Variants in VPS13B observed in about 807,000 individuals in gnomAD.
VPS13B encodes vacuolar protein sorting 13 homolog B.
A neutral mutation model predicts 426.4 loss-of-function variants in VPS13B; 285 were observed. The ratio of observed to expected loss-of-function variants is 0.67; its 90% CI spans 0.61 to 0.74. The LOEUF (loss-of-function observed/expected upper bound fraction) is 0.74. Among genes scored for constraint, VPS13B ranks in the 30% least tolerant of loss-of-function variants. The pLI, the probability that VPS13B is intolerant of heterozygous loss-of-function variation, is 0.00. For missense variants in VPS13B, 4,537 were observed against 4,782.6 expected (o/e 0.95, Z 1.51); for synonymous variants, 1,676 against 1,676.4 (o/e 1.00, Z 0.01).
At chr8:99,661,669 G>T (rs1215367256) in intron 35 of VPS13B, among the ~76,000 whole-genome samples, 178 bp downstream of exon 35, 3 of 152,038 alleles carry the variant, frequency 2.0e-5, no homozygotes, top group Non-Finnish European at 4.4e-5. Flanking sequence ...ATATAAATAT[G>T]CATTAAGAAT....
chr8:99,563,742 A>C (rs1563798715), intron 31 of VPS13B, among the ~76,000 whole-genome samples: 1 of 152,210 alleles, frequency 6.6e-6, no homozygotes, highest in Non-Finnish European at 1.5e-5. Flanking sequence ...CACATAACAG[A>C]TACCAAATAA....
At chr8:99,366,530 T>G (rs568128761) in intron 19 of VPS13B, among the ~76,000 whole-genome samples, 11 of 135,794 alleles carry the variant, frequency 8.1e-5, no homozygotes, top group Admixed American at 1.4e-4. Flanking sequence ...TTTTTTTTTG[T>G]TTTTTTTTTT....
At position 99,263,838 on chromosome 8, in the gene VPS13B, C is replaced by A. The variant is rs556166387; in HGVS notation, c.2516-10360C>A. ...GCATATGAACATCTTTGGGGGGGAC[C>A]ATTATTCTGTCTGTCATAGAGGATC... On this transcript the variant is annotated intron_variant, in intron 17 of 61. Transcript: ENST00000357162. Among the ~76,000 whole-genome samples the A allele has an allele frequency of 5.9e-5, 9 of 152,164 alleles. 1 individual carries two copies. The South Asian group carries it at 1.9e-3, about 32-fold the overall frequency.
chr8:99,632,772 G>A (rs561174473), intron 33 of VPS13B, among the ~76,000 whole-genome samples: 1 of 152,084 alleles, frequency 6.6e-6, no homozygotes, highest in East Asian at 1.9e-4. Flanking sequence ...ATATGACAGA[G>A]AGAGAATATA....
intron 35 of VPS13B, among the ~76,000 whole-genome samples, chr8:99,675,455 A>G (rs1003783723): frequency 1.3e-5 from 2 of 151,972 alleles, no homozygotes; most frequent in African/African-American, 4.8e-5. Context: ...CTGATTGAAG[A>G]CCTTTGAGCT....
At chr8:99,455,437 C>T (rs772415069) in intron 23 of VPS13B, among the ~76,000 whole-genome samples, 8 of 152,110 alleles carry the variant, frequency 5.3e-5, no homozygotes, top group Non-Finnish European at 1.2e-4. Context: ...GCCAGCACTT[C>T]ACATGGCTGG....
intron 3 of VPS13B, among the ~76,000 whole-genome samples, chr8:99,087,609 T>G (rs1845901986): frequency 6.6e-6 from 1 of 150,922 alleles, no homozygotes; most frequent in South Asian, 2.1e-4. Flanking sequence ...CACCCACTGT[T>G]TTTTTGTTTT....
chr8:99,594,050 C>G (rs1462986480), intron 33 of VPS13B, among the ~76,000 whole-genome samples: 1 of 151,842 alleles, frequency 6.6e-6, no homozygotes, highest in Non-Finnish European at 1.5e-5. Context: ...ACCTGCACAT[C>G]CTGCACATGT....
At chr8:99,860,659 G>A (rs1375425119) in intron 57 of VPS13B, among the ~76,000 whole-genome samples, 3 of 152,150 alleles carry the variant, frequency 2.0e-5, no homozygotes, top group East Asian at 1.9e-4. Flanking sequence ...CTGCAAAAAC[G>A]ACATTGAGCA....
rs1829638082 is a variant in VPS13B at position 99,647,588 on chromosome 8, A to G, written c.5908+5090A>G. ...AGCAAGACTGTAAAAAAAAAAAAAA[A>G]AAGGTTTAATAATTTTCAGAAAAGG... On this transcript the variant is annotated intron_variant, in intron 34 of 61. Transcript: ENST00000357162. Among the ~76,000 whole-genome samples, 4 of 152,102 alleles carry G rather than the reference A, an allele frequency of 2.6e-5. No homozygotes were observed. The South Asian group carries it at 8.3e-4, about 31-fold the overall frequency.
At chr8:99,037,120 G>T (rs921380938) in intron 2 of VPS13B, among the ~76,000 whole-genome samples, 2 of 152,056 alleles carry the variant, frequency 1.3e-5, no homozygotes, top group Non-Finnish European at 2.9e-5. Context: ...TTTGTTACAG[G>T]CACTGATCAA....
chr8:99,822,390 T>C (rs1278555959), intron 50 of VPS13B, among the ~76,000 whole-genome samples: 1 of 152,190 alleles, frequency 6.6e-6, no homozygotes, highest in Non-Finnish European at 1.5e-5. Flanking sequence ...ATCCATTTCC[T>C]CAAAGTTGTC....
At chr8:99,813,368 T>A (rs117190315) in intron 44 of VPS13B, among the ~76,000 whole-genome samples, 1 of 152,176 alleles carries the variant, frequency 6.6e-6, no homozygotes, top group South Asian at 2.1e-4. Context: ...CAAATTCTCT[T>A]CTAAATCTCC....
At chr8:99,409,816 TTGAG>T (rs1156494237) in intron 21 of VPS13B, among the ~76,000 whole-genome samples, 1 of 152,210 alleles carries the variant, frequency 6.6e-6, no homozygotes, top group Non-Finnish European at 1.5e-5. Context: ...GAGAAGAGTT[TTGAG>T]TATTAGCAAA....
intron 19 of VPS13B, among the ~76,000 whole-genome samples, chr8:99,291,137 T>G (rs2133045425): frequency 6.6e-6 from 1 of 152,142 alleles, no homozygotes; most frequent in East Asian, 1.9e-4. Flanking sequence ...TACACAGATT[T>G]GTGGAATATT....
In VPS13B at chr8:99,049,564, T is replaced by G. The variant is rs551856786; in HGVS notation, c.291+10998T>G. On this transcript the variant is annotated intron_variant, in intron 3 of 61. Coordinates refer to ENST00000357162, the MANE Select transcript of VPS13B (RefSeq NM_152564.5). ...CAATAGGTTTTTTTTTTTTCTTTAA[T>G]AGGTTACCTTGTGCTTTTGCCTCAC... 2.6e-5 allele frequency among the ~76,000 whole-genome samples: 4 copies of G among 151,916 alleles called. 1 individual carries two copies. In the South Asian group the frequency reaches 8.3e-4, roughly 32 times the overall value.
intron 21 of VPS13B, among the ~76,000 whole-genome samples, chr8:99,427,873 C>G (rs1441974632): frequency 6.6e-6 from 1 of 152,138 alleles, no homozygotes; most frequent in Non-Finnish European, 1.5e-5. Flanking sequence ...ATCAGGCTAC[C>G]TGACTTCAAA....
chr8:99,379,206 A>G (rs549768330), intron 19 of VPS13B, among the ~76,000 whole-genome samples: 1 of 152,130 alleles, frequency 6.6e-6, no homozygotes, highest in East Asian at 1.9e-4. Flanking sequence ...CCACCCCCCA[A>G]ATCCGTGGAA....
intron 19 of VPS13B, among the ~76,000 whole-genome samples, chr8:99,321,381 G>A (rs1483525376): frequency 2.6e-5 from 4 of 151,662 alleles, no homozygotes; most frequent in African/African-American, 9.7e-5. Flanking sequence ...GCTAATTTTT[G>A]TATTTTTGTA....
Sources: allele counts gnomAD v4.1 joint callset (sites outside exome capture counted in the v4.1 genomes callset), GRCh38; gene constraint gnomAD v4.1.1; transcripts MANE v1.5; gene names NCBI Gene and HGNC (gene_info 2026-07-23, HGNC 2026-07-21).